The following RFTN2 variants were observed in gnomAD, a reference collection of about 807,000 sequenced individuals.
RFTN2 encodes raftlin family member 2, also known as raftlin-2.
A neutral mutation model predicts 52.7 loss-of-function variants in RFTN2; 34 were observed. The ratio of observed to expected loss-of-function variants is 0.64; its 90% confidence interval spans 0.49 to 0.86. The LOEUF is 0.86. Among genes scored for constraint, RFTN2 ranks in the 40% least tolerant of loss-of-function variants. The pLI, the probability that RFTN2 is intolerant of heterozygous loss-of-function variation, is 0.00. For missense variants in RFTN2, 536 were observed against 600.1 expected, an observed-to-expected ratio of 0.89 and a Z score of 1.12; for synonymous variants, 203 against 217.7, an observed-to-expected ratio of 0.93 and a Z score of 0.59.
chr2:197,640,724 C>G (rs531070524), intron 3 of RFTN2, among the ~76,000 whole-genome samples: 14 of 152,202 alleles, frequency 9.2e-5, no homozygotes, highest in South Asian at 4.2e-4. Flanking sequence ...AGCTGTAGAC[C>G]GGAGCTGTTC....
At position 197,571,075 on chromosome 2, in the gene RFTN2, T is replaced by A. The variant is rs1450462730; in HGVS notation, c.*933A>T. The A allele has an allele frequency of 2.0e-5, 3 of 152,344 alleles. No homozygotes were observed. Among genetic ancestry groups the A allele is most frequent in the Non-Finnish European group, 2.9e-5 (2 of 68,040 alleles). The allele number at this position is 152,344 out of a possible 1,614,324, so 9.4% of individuals were successfully genotyped here. A position where few individuals can be genotyped will look rare whatever the true frequency, so the allele number is the denominator to read the frequency against. On this transcript the variant is annotated 3_prime_UTR_variant, in exon 9 of 9. Coordinates refer to ENST00000295049, the MANE Select transcript of RFTN2 (RefSeq NM_144629.3). ...AATATGTTATCATACATATCGCGTG[T>A]GCTATGAGCATCTTTCTACTCCTGC... is the stretch of plus-strand genomic sequence containing the variant.
chr2:197,648,400 A>C (rs1482600924), intron 1 of RFTN2, among the ~76,000 whole-genome samples: 2 of 152,224 alleles, frequency 1.3e-5, no homozygotes, highest in East Asian at 3.8e-4. Context: ...AAACAAAGAG[A>C]ATGATCTTGG....
intron 1 of RFTN2, among the ~76,000 whole-genome samples, chr2:197,661,151 C>A (rs1367169486): frequency 6.6e-6 from 1 of 152,078 alleles, no homozygotes; most frequent in Non-Finnish European, 1.5e-5. Flanking sequence ...ATTTGTATTT[C>A]TGTGCCTGGA....
intron 1 of RFTN2, among the ~76,000 whole-genome samples, chr2:197,661,214 C>A (rs78912234): frequency 7.0e-6 from 1 of 142,640 alleles, no homozygotes; most frequent in Non-Finnish European, 1.5e-5. Flanking sequence ...CTGCAAATGA[C>A]GTGATTTAAT....
At chr2:197,590,511 AC>A (rs2087687638) in intron 8 of RFTN2, among the ~76,000 whole-genome samples, 1 of 152,198 alleles carries the variant, frequency 6.6e-6, no homozygotes. Flanking sequence ...CTCCCCCACA[AC>A]AAGGGCATGA....
At chr2:197,675,144 G>A (rs907662889) in intron 1 of RFTN2, among the ~76,000 whole-genome samples, 176 bp downstream of exon 1, 9 of 152,076 alleles carry the variant, frequency 5.9e-5, no homozygotes, top group Middle Eastern at 3.4e-3. Context: ...ACCAAAATAC[G>A]AAGCAATCAA....
chr2:197,603,969 TG>T (rs1300390519), intron 7 of RFTN2, among the ~76,000 whole-genome samples: 1 of 151,780 alleles, frequency 6.6e-6, no homozygotes, highest in Admixed American at 6.6e-5. Flanking sequence ...GAATTTTAAA[TG>T]TGGGCAAAAA....
At chr2:197,614,550 AC>A in intron 7 of RFTN2, among the ~76,000 whole-genome samples, 1 of 152,322 alleles carries the variant, frequency 6.6e-6, no homozygotes, top group South Asian at 2.1e-4. Context: ...AGATGGCAAA[AC>A]TAAAAGATCA....
intron 1 of RFTN2, among the ~76,000 whole-genome samples, chr2:197,674,915 C>A (rs1182312676): frequency 1.3e-5 from 2 of 152,022 alleles, no homozygotes; most frequent in Non-Finnish European, 2.9e-5. Flanking sequence ...AGCAAACACT[C>A]TTCCACGATA....
chr2:197,629,200 G>A (rs561337394), intron 5 of RFTN2, among the ~76,000 whole-genome samples: 1 of 152,270 alleles, frequency 6.6e-6, no homozygotes, highest in East Asian at 1.9e-4. Context: ...CAACCCAAAT[G>A]TCCATCAATG....
chr2:197,640,811 A>T (rs944064632), intron 3 of RFTN2, among the ~76,000 whole-genome samples: 4 of 152,234 alleles, frequency 2.6e-5, no homozygotes, highest in African/African-American at 9.6e-5. Flanking sequence ...CATATCGGTA[A>T]GAGTTAGCTT....
At chr2:197,634,103 G>A in intron 3 of RFTN2, 106 bp from the exon 4 acceptor site, 1 of 940,226 alleles carries the variant, frequency 1.1e-6, no homozygotes, top group Non-Finnish European at 1.6e-6. Flanking sequence ...AGAAGATGGA[G>A]TAACTTGACC....
intron 1 of RFTN2, among the ~76,000 whole-genome samples, chr2:197,673,298 C>T (rs1282107100): frequency 6.6e-6 from 1 of 152,126 alleles, no homozygotes; most frequent in Non-Finnish European, 1.5e-5. Context: ...ATGACCCACT[C>T]CTATATACAC....
intron 8 of RFTN2, among the ~76,000 whole-genome samples, chr2:197,580,142 T>C (rs1228362507): frequency 6.6e-6 from 1 of 152,106 alleles, no homozygotes; most frequent in African/African-American, 2.4e-5. Flanking sequence ...TCAATATGCA[T>C]TTTATTACCC....
Position 197,644,166 on chromosome 2 carries a change from T to C in RFTN2, c.430A>G (p.Ile144Val). 1 of 1,585,488 alleles carries C rather than the reference T, an allele frequency of 6.3e-7. No individual in the cohort carries two copies. The highest frequency in any genetic ancestry group is 8.7e-7 in the Non-Finnish European group (1 of 1,154,022). The stretch of plus-strand genomic sequence containing the variant: ...GTGCATAAATTTAGTACCTTTTCTA[T>C]CAGTTCTTTTGCTGCGTCATTTGTT... Reference protein sequence around the residue: ...AQTNDAAKELIEKINVAAKRG... With the variant: ...AQTNDAAKELVEKINVAAKRG... Residue 144 changes from isoleucine to valine, a missense_variant, in exon 3 of 9, where the codon ATA (isoleucine) becomes GTA (valine). Ile to Val is a conservative substitution (Grantham distance 29). Transcript: ENST00000295049.
intron 1 of RFTN2, among the ~76,000 whole-genome samples, chr2:197,663,044 C>G (rs917695845): frequency 6.6e-6 from 1 of 152,012 alleles, no homozygotes; most frequent in South Asian, 2.1e-4. Context: ...GAGTTTTTGT[C>G]AAGAAGGGAT....
chr2:197,648,243 C>T (rs1349164653), intron 1 of RFTN2, among the ~76,000 whole-genome samples: 2 of 152,182 alleles, frequency 1.3e-5, no homozygotes, highest in African/African-American at 2.4e-5. Flanking sequence ...TGGGTATTCA[C>T]GCCAACTTCA....
At chr2:197,584,051 C>T (rs1383149043) in intron 8 of RFTN2, among the ~76,000 whole-genome samples, 1 of 152,144 alleles carries the variant, frequency 6.6e-6, no homozygotes, top group Non-Finnish European at 1.5e-5. Flanking sequence ...GTTGGTTCCA[C>T]ATCTTTGCTA....
chr2:197,659,354 C>T (rs1264874544), intron 1 of RFTN2, among the ~76,000 whole-genome samples: 3 of 151,526 alleles, frequency 2.0e-5, no homozygotes, highest in Non-Finnish European at 4.4e-5. Flanking sequence ...CAAAAATTAG[C>T]CCGGCATGGT....
Sources: allele counts gnomAD v4.1 joint callset (sites outside exome capture counted in the v4.1 genomes callset), GRCh38; gene constraint gnomAD v4.1.1; transcripts MANE v1.5; gene names NCBI Gene and HGNC (gene_info 2026-07-23, HGNC 2026-07-21).